Variants in ZFTA observed in about 807,000 individuals in gnomAD.
ZFTA encodes zinc finger translocation-associated protein.
Under a neutral mutation model 41.8 loss-of-function variants are expected in ZFTA, and 35 were observed. The observed-to-expected ratio is 0.84, with a 90% confidence interval of 0.64 to 1.11. ZFTA has a LOEUF of 1.11. ZFTA is among the 50% of genes most tolerant of loss of function. The pLI is 0.00. For synonymous variants in ZFTA, 514 were observed against 436.4 expected (o/e 1.18, Z -2.22); for missense variants, 964 against 989.8 (o/e 0.97, Z 0.35).
In ZFTA at chr11:63,764,313, A is replaced by C. The variant is rs1421230506; in HGVS notation, c.1310T>G (p.Leu437Arg). The C allele has an allele frequency of 1.4e-6, 2 of 1,393,630 alleles. No individual in the cohort carries two copies. The highest frequency in any genetic ancestry group is 1.9e-6 in the Non-Finnish European group (2 of 1,079,210). The allele number at this position is 1,393,630 out of a possible 1,614,324, so 86.3% of individuals were successfully genotyped here. A position where few individuals can be genotyped will look rare whatever the true frequency, so the allele number is the denominator to read the frequency against. The change falls in exon 4 of 5, where the codon CTG (leucine) becomes CGG (arginine). Residue 437 changes from leucine to arginine, a missense_variant. Physicochemically the swap from Leu to Arg is moderately radical, Grantham distance 102. This residue lies in a region of ZFTA where 584 missense variants were observed against 523.1 expected (regional missense o/e 1.12). Coordinates refer to ENST00000433688, the MANE Select transcript of ZFTA (RefSeq NM_001144936.2). Reference sequence around the variant, plus strand: ...CGCGCCCCCGCACACCCCGCACACCAGGCCGCGCCGGCCGCCGTCCAACTC... The same window carrying C: ...CGCGCCCCCGCACACCCCGCACACCCGGCCGCGCCGGCCGCCGTCCAACTC... ...LMELDGGRRG[L>R]VCGVCGGALA...
In ZFTA at chr11:63,765,396, C is replaced by T. The variant is rs1478186592; in HGVS notation, c.638-142G>A. On this transcript the variant is annotated intron_variant, in intron 2 of 4. Transcript: ENST00000433688. The surrounding 1 kb of genome is among the most constrained non-coding windows in gnomAD (Gnocchi z 4.0). ...CTCTTCCTCTCTCCTGAAATCCTAA[C>T]TCCCTAAACCCTCCTCTGCTAGCAT... The T allele has an allele frequency of 5.1e-6, 5 of 978,150 alleles. No individual in the cohort carries two copies. The highest frequency in any genetic ancestry group is 7.1e-6 in the Non-Finnish European group (5 of 705,088). 60.6% of individuals were successfully genotyped at this position (978,150 alleles called of 1,614,324 possible). A position where few individuals can be genotyped will look rare whatever the true frequency, so the allele number is the denominator to read the frequency against.
chr11:63,763,365 G>T lies in ZFTA; in HGVS notation c.*53C>A. ...CCGAAGGGCCGGGCGAGCACAGGGC[G>T]GGGCGGGGCCGATCCGACCCGACCC... On this transcript the variant is annotated 3_prime_UTR_variant, in exon 5 of 5. Coordinates refer to ENST00000433688, the MANE Select transcript of ZFTA (RefSeq NM_001144936.2). 8.6e-7 allele frequency: 1 copy of T among 1,158,964 alleles called. No homozygotes were observed. The highest frequency in any genetic ancestry group is 1.1e-6 in the Non-Finnish European group (1 of 934,046). The allele number at this position is 1,158,964 out of a possible 1,614,324, so 71.8% of individuals were successfully genotyped here.
At position 63,765,121 on chromosome 11, in the gene ZFTA, C is replaced by A; in HGVS notation, c.771G>T (p.Glu257Asp). Reference sequence around the variant, plus strand: ...TCTGCAGGGACTCCTTCAGCCTCCTCTCCAGGCGCCGGGCCCCCAGCCCCC... The same window carrying A: ...TCTGCAGGGACTCCTTCAGCCTCCTATCCAGGCGCCGGGCCCCCAGCCCCC... ...GSRGLGARRL[E>D]RRLKESLQNW... The change falls in exon 3 of 5, where the codon GAG (glutamate) becomes GAT (aspartate). Residue 257 changes from glutamate to aspartate, a missense_variant. Glu to Asp is a conservative substitution (Grantham distance 45). Coordinates refer to ENST00000433688, the MANE Select transcript of ZFTA (RefSeq NM_001144936.2). This position sits in a 1 kb window ranked among gnomAD's most constrained non-coding sequence, Gnocchi z 4.0. The A allele has an allele frequency of 6.5e-7, 1 of 1,548,024 alleles. No homozygotes were observed. The highest frequency in any genetic ancestry group is 8.7e-7 in the Non-Finnish European group (1 of 1,146,284).
chr11:63,765,336 C>T lies in ZFTA; in HGVS notation c.638-82G>A. 2 of 1,372,708 alleles carry T rather than the reference C, an allele frequency of 1.5e-6. No individual in the cohort carries two copies. The highest frequency in any genetic ancestry group is 1.9e-6 in the Non-Finnish European group (2 of 1,057,072). 85.0% of individuals were successfully genotyped at this position (1,372,708 alleles called of 1,614,324 possible). A position where few individuals can be genotyped will look rare whatever the true frequency, so the allele number is the denominator to read the frequency against. On this transcript the variant is annotated intron_variant, in intron 2 of 4. Transcript: ENST00000433688. The surrounding 1 kb of genome is among the most constrained non-coding windows in gnomAD (Gnocchi z 4.0). The stretch of plus-strand genomic sequence containing the variant: ...ACAGCCAGGTCTCCCACAAGCCTCT[C>T]ACTCACTTGGGCCCCAGGCCTAACC...
rs1341001594 is a variant in ZFTA at position 63,762,575 on chromosome 11, C to G, written c.*843G>C. 1 of 152,370 alleles carries G rather than the reference C, an allele frequency of 6.6e-6. No homozygotes were observed. The highest frequency in any genetic ancestry group is 2.4e-5 in the African/African-American group (1 of 41,470). The allele number at this position is 152,370 out of a possible 1,614,324, so 9.4% of individuals were successfully genotyped here. A position where few individuals can be genotyped will look rare whatever the true frequency, so the allele number is the denominator to read the frequency against. On this transcript the variant is annotated 3_prime_UTR_variant, in exon 5 of 5. Transcript: ENST00000433688. The stretch of plus-strand genomic sequence containing the variant: ...GGAATCGAAGGCTGACTGCCGGGAC[C>G]GCCTGTGCCCCGGGCTCCCACGGAC...
At chr11:63,766,448 AT>A in intron 1 of ZFTA, 144 bp from the exon 2 acceptor site, 1 of 1,163,388 alleles carries the variant, frequency 8.6e-7, no homozygotes, top group Non-Finnish European at 1.1e-6. Flanking sequence ...AATAAAAGGG[AT>A]GGTAGAAGTG....
At position 63,765,729 on chromosome 11, in the gene ZFTA, C is replaced by T. The variant is rs1590910757; in HGVS notation, c.637+78G>A. ...AGTGCCTTGCTCAAGAACACCAGCT[C>T]CTTGGCAGAGCAGCTGGCCCACTGT... On this transcript the variant is annotated intron_variant, in intron 2 of 4. Coordinates refer to ENST00000433688, the MANE Select transcript of ZFTA (RefSeq NM_001144936.2). This position sits in a 1 kb window ranked among gnomAD's most constrained non-coding sequence, Gnocchi z 4.0. 5 of 1,424,400 alleles carry T rather than the reference C, an allele frequency of 3.5e-6. No homozygotes were observed. In the South Asian group the frequency reaches 4.5e-5, roughly 13 times the overall value. 88.2% of individuals were successfully genotyped at this position (1,424,400 alleles called of 1,614,324 possible).
At chr11:63,766,760 C>T (rs1056798320) in intron 1 of ZFTA, among the ~76,000 whole-genome samples, 82 of 152,276 alleles carry the variant, frequency 5.4e-4, no homozygotes, top group African/African-American at 1.9e-3. Context: ...GGGCCCCCGC[C>T]AGGAGGGCCC....
At chr11:63,763,900 C>CGGCGGGG in intron 4 of ZFTA, 31 bp from the exon 5 acceptor site, 22 of 1,407,380 alleles carry the variant, frequency 1.6e-5, no homozygotes, top group Non-Finnish European at 2.0e-5. Context: ...GCATTGGCGA[C>CGGCGGGG]GGCGGGGGGC....
intron 1 of ZFTA, among the ~76,000 whole-genome samples, chr11:63,766,606 C>A (rs1403237384): frequency 2.0e-5 from 3 of 152,138 alleles, no homozygotes; most frequent in Non-Finnish European, 4.4e-5. Flanking sequence ...GTAAGGTGCC[C>A]TTTCTGGACA....
chr11:63,767,344 T>G (rs562005503), intron 1 of ZFTA: 1 of 152,304 alleles, frequency 6.6e-6, no homozygotes, highest in Admixed American at 6.5e-5. Flanking sequence ...TTGTGGAAGT[T>G]TTTTTGTTTT....
rs895465006 is a variant in ZFTA, at chr11:63,761,232, A to G, written c.*2186T>C. 2 of 152,232 alleles carry G rather than the reference A, an allele frequency of 1.3e-5. No individual in the cohort carries two copies. Among genetic ancestry groups the G allele is most frequent in the African/African-American group, 4.8e-5 (2 of 41,452 alleles). The allele number at this position is 152,232 out of a possible 1,614,324, so 9.4% of individuals were successfully genotyped here. A position where few individuals can be genotyped will look rare whatever the true frequency, so the allele number is the denominator to read the frequency against. ...CAAACTCACTGGGAATTTACTTTTC[A>G]GTCAATTGACAACCCATTCAGGATC... On this transcript the variant is annotated 3_prime_UTR_variant, in exon 5 of 5. Coordinates refer to ENST00000433688, the MANE Select transcript of ZFTA (RefSeq NM_001144936.2).
intron 1 of ZFTA, among the ~76,000 whole-genome samples, chr11:63,766,936 A>G (rs949768797): frequency 6.6e-6 from 1 of 152,212 alleles, no homozygotes; most frequent in Non-Finnish European, 1.5e-5. Context: ...GGAGTTTCTG[A>G]GACTGAAACT....
chr11:63,767,465 C>T (rs1461925113), intron 1 of ZFTA: 5 of 152,478 alleles, frequency 3.3e-5, no homozygotes, highest in Middle Eastern at 3.3e-3. Context: ...AGGTCATGTC[C>T]GCACTCTGGG....
chr11:63,763,999 C>T (rs1489407675), intron 4 of ZFTA, 39 bp downstream of exon 4: 3 of 1,300,502 alleles, frequency 2.3e-6, no homozygotes, highest in East Asian at 3.0e-5. Context: ...AGCAACTGCC[C>T]GGCTCTCCCT....
Position 63,768,597 on chromosome 11 carries a change from CTCCGGT to C in ZFTA, c.20_25del (p.His7_Ser9delinsArg). On this transcript the variant is annotated inframe_deletion, in exon 1 of 5. Coordinates refer to ENST00000433688, the MANE Select transcript of ZFTA (RefSeq NM_001144936.2). ...GCCGCCCCTGCCGCCGCTGCTCCGG[CTCCGGT>C]GGTCCCCGCCGGGCTCCATGCGCTG... The C allele has an allele frequency of 2.9e-6, 3 of 1,030,536 alleles. No individual in the cohort carries two copies. Among genetic ancestry groups the C allele is most frequent in the Non-Finnish European group, 3.5e-6 (3 of 862,088 alleles). The allele number at this position is 1,030,536 out of a possible 1,614,324, so 63.8% of individuals were successfully genotyped here.
chr11:63,764,575 G>A lies in ZFTA; in HGVS notation c.1048C>T (p.Leu350=). 1.6e-6 allele frequency: 2 copies of A among 1,255,682 alleles called. No individual in the cohort carries two copies. The highest frequency in any genetic ancestry group is 2.0e-6 in the Non-Finnish European group (2 of 996,772). The allele number at this position is 1,255,682 out of a possible 1,614,324, so 77.8% of individuals were successfully genotyped here. ...GCCGAGTCCCGGCTCTTTCCGGTCA[G>A]GTCCTGGGGGGCGAGGTCATCGCCT... The part of the protein sequence containing the change: ...PPGDDLAPQD[L]TGKSRDSASA... Residue 350 remains leucine, a synonymous_variant, in exon 4 of 5, where the codon CTG becomes TTG. Coordinates refer to ENST00000433688, the MANE Select transcript of ZFTA (RefSeq NM_001144936.2).
Position 63,763,508 on chromosome 11 carries a change from G to A in ZFTA, c.1947C>T (p.Arg649=), listed in dbSNP as rs538551388. ...GCCCGAAGCCCTCGTGGCCGTAGCA[G>A]CGCAGCGCCGCCTCCTCGTAGGCCT... ...ILEAYEEAAL[R]CYGHEGFGPP... is the part of the protein sequence containing the mutation. Residue 649 remains arginine, a synonymous_variant, in exon 5 of 5, where the codon CGC becomes CGT. Coordinates refer to ENST00000433688, the MANE Select transcript of ZFTA (RefSeq NM_001144936.2). 15 of 1,542,188 alleles carry A rather than the reference G, an allele frequency of 9.7e-6. No homozygotes were observed. In the Admixed American group the frequency reaches 1.2e-4, roughly 12 times the overall value.
chr11:63,768,715 C>T lies in ZFTA; in HGVS notation c.-93G>A, dbSNP rs943773448. Reference sequence around the variant, plus strand: ...GCGGAGCGCTCGCTGCGCGGGGCCCCGGGGCGCGGGGCGCATGCACGGGGC... The same window carrying T: ...GCGGAGCGCTCGCTGCGCGGGGCCCTGGGGCGCGGGGCGCATGCACGGGGC... On this transcript the variant is annotated 5_prime_UTR_variant, in exon 1 of 5. Transcript: ENST00000433688. 6.1e-6 allele frequency: 3 copies of T among 488,128 alleles called. No individual in the cohort carries two copies. Among genetic ancestry groups the T allele is most frequent in the East Asian group, 1.6e-4 (1 of 6,388 alleles). The allele number at this position is 488,128 out of a possible 1,614,324, so 30.2% of individuals were successfully genotyped here.
Sources: gnomAD v4.1 joint callset for allele counts (sites outside exome capture counted in the v4.1 genomes callset) on GRCh38, gnomAD v4.1.1 for gene constraint, gnomAD v4.1.1 regional missense constraint, Gnocchi (gnomAD v3.1) non-coding constraint, MANE v1.5 for transcripts, NCBI Gene and HGNC (gene_info 2026-07-23, HGNC 2026-07-21) for gene names.